VPS25: variants seen among roughly 807,000 people sequenced by gnomAD.
The protein encoded by VPS25 is vacuolar protein sorting 25 homolog, also known as vacuolar protein-sorting-associated protein 25.
Under a neutral mutation model 30.3 loss-of-function variants are expected in VPS25, and 21 were observed. That is an observed-to-expected ratio of 0.69 (90% CI 0.49 to 1.00). VPS25 has a LOEUF of 1.00. Among genes scored for constraint, VPS25 ranks in the 50% least tolerant of loss-of-function variants. The pLI is 0.00. For synonymous variants in VPS25, 101 were observed against 88.1 expected, an observed-to-expected ratio of 1.15 and a Z score of -0.82; for missense variants, 156 against 217.2, an observed-to-expected ratio of 0.72 and a Z score of 1.77.
At chr17:42,775,050 T>C in intron 3 of VPS25, 1 of 358,762 alleles carries the variant, frequency 2.8e-6, no homozygotes, top group Non-Finnish European at 5.0e-6. Flanking sequence ...ATGATACTTT[T>C]TTTTTGGGTG....
At chr17:42,774,035 C>A in intron 2 of VPS25, 157 bp downstream of exon 2, 1 of 884,936 alleles carries the variant, frequency 1.1e-6, no homozygotes, top group Non-Finnish European at 1.7e-6. Flanking sequence ...CTGACATTTT[C>A]CCCTGGCAAA....
intron 1 of VPS25, 84 bp downstream of exon 1, chr17:42,773,612 G>A: frequency 6.2e-7 from 1 of 1,607,786 alleles, no homozygotes; most frequent in South Asian, 1.1e-5. Flanking sequence ...TTCATATGGG[G>A]AGGGGGAGAA....
At chr17:42,773,615 G>C (rs1351597232) in intron 1 of VPS25, 87 bp downstream of exon 1, 3 of 1,607,298 alleles carry the variant, frequency 1.9e-6, no homozygotes, top group South Asian at 1.1e-5. Context: ...ATATGGGGAG[G>C]GGGAGAAAAG....
At chr17:42,774,410 C>T (rs2054425743) in intron 2 of VPS25, 8 of 322,556 alleles carry the variant, frequency 2.5e-5, no homozygotes, top group South Asian at 1.4e-4. Flanking sequence ...GTCTTCCTCT[C>T]TTGCTCAGGC....
chr17:42,774,824 T>G (rs2054427936), intron 3 of VPS25, 125 bp downstream of exon 3: 1 of 769,568 alleles, frequency 1.3e-6, no homozygotes, highest in Admixed American at 2.8e-5. Flanking sequence ...CAGAGTCTTC[T>G]GTAAAGTAGG....
rs749167348 is a variant in VPS25 at position 42,778,974 on chromosome 17, G to A, written c.436G>A (p.Glu146Lys). ...TEDEEFHGLD[E>K]ATLLRALQAL... ...CTGTTCAGAGTTCCACGGGCTGGATGAAGCCACTCTACTGCGGGCTCTGCA... is the reference window on the plus strand; with the variant it reads ...CTGTTCAGAGTTCCACGGGCTGGATAAAGCCACTCTACTGCGGGCTCTGCA... The change falls in exon 6 of 6, where the codon GAA becomes AAA. Residue 146 changes from glutamate to lysine, a missense_variant. Physicochemically the swap from Glu to Lys is moderately conservative, Grantham distance 56. Coordinates refer to ENST00000253794, the MANE Select transcript of VPS25 (RefSeq NM_032353.4). 3 of 1,614,098 alleles carry A rather than the reference G, an allele frequency of 1.9e-6. No homozygotes were observed. The highest frequency in any genetic ancestry group is 2.5e-6 in the Non-Finnish European group (3 of 1,179,956).
rs748485289 is a variant in VPS25, at chr17:42,776,277, T to C, written c.375T>C (p.Phe125=). The change falls in exon 5 of 6, where the codon TTT becomes TTC. Residue 125 remains phenylalanine, a synonymous_variant. Coordinates refer to ENST00000253794, the MANE Select transcript of VPS25 (RefSeq NM_032353.4). The part of the protein sequence containing the change: ...VSRSGQNNSV[F]TLYELTNGED... ...GGAGTGGCCAGAACAACTCCGTCTT[T>C]ACCCTGTATGAACTGACTAATGGGG... 4.3e-6 allele frequency: 7 copies of C among 1,613,718 alleles called. No homozygotes were observed. The highest frequency in any genetic ancestry group is 5.9e-6 in the Non-Finnish European group (7 of 1,180,024).
intron 3 of VPS25, 87 bp from the exon 4 acceptor site, chr17:42,775,294 T>G: frequency 1.0e-6 from 1 of 1,004,268 alleles, no homozygotes; most frequent in South Asian, 1.4e-5. Flanking sequence ...TTCGAACTCC[T>G]GGGCTCAAGC....
Position 42,779,177 on chromosome 17 carries a change from A to G in VPS25, c.*108A>G. 1 of 1,011,054 alleles carries G rather than the reference A, an allele frequency of 9.9e-7. No homozygotes were observed. Among genetic ancestry groups the G allele is most frequent in the South Asian group, 1.4e-5 (1 of 69,570 alleles). The allele number at this position is 1,011,054 out of a possible 1,614,324, so 62.6% of individuals were successfully genotyped here. On this transcript the variant is annotated 3_prime_UTR_variant, in exon 6 of 6. Coordinates refer to ENST00000253794, the MANE Select transcript of VPS25 (RefSeq NM_032353.4). ...TGGATCTGTGACTCCACCAGACTCA[A>G]AAGGACTCCAGTCCTGAAGGCTGGG...
intron 1 of VPS25, 95 bp from the exon 2 acceptor site, chr17:42,773,638 A>C: frequency 6.2e-7 from 1 of 1,605,574 alleles, no homozygotes; most frequent in Non-Finnish European, 8.5e-7. Flanking sequence ...CCGTCGGCCA[A>C]CACCCTCAGT....
In VPS25 at chr17:42,773,454, C is replaced by T. The variant is rs765442108; in HGVS notation, c.-22C>T. 16 of 1,614,204 alleles carry T rather than the reference C, an allele frequency of 9.9e-6. No individual in the cohort carries two copies. The highest frequency in any genetic ancestry group is 1.4e-5 in the Non-Finnish European group (16 of 1,180,044). ...GCCGGAAGTCCTTAGCCGGTAGCTT[C>T]CGGGTTTCCTGGGCTACTACGATGG... is the stretch of plus-strand genomic sequence containing the variant. On this transcript the variant is annotated 5_prime_UTR_variant, in exon 1 of 6. Coordinates refer to ENST00000253794, the MANE Select transcript of VPS25 (RefSeq NM_032353.4).
intron 3 of VPS25, 105 bp downstream of exon 3, chr17:42,774,804 G>A (rs2054427857): frequency 3.9e-6 from 4 of 1,016,820 alleles, no homozygotes; most frequent in Middle Eastern, 2.5e-4. Context: ...CTCTCTCCTG[G>A]CTTGAAGGCC....
In VPS25 at chr17:42,779,175, C is replaced by G. The variant is rs946967069; in HGVS notation, c.*106C>G. On this transcript the variant is annotated 3_prime_UTR_variant, in exon 6 of 6. Coordinates refer to ENST00000253794, the MANE Select transcript of VPS25 (RefSeq NM_032353.4). ...ACTGGATCTGTGACTCCACCAGACT[C>G]AAAAGGACTCCAGTCCTGAAGGCTG... is the stretch of plus-strand genomic sequence containing the variant. The G allele has an allele frequency of 2.0e-5, 21 of 1,028,424 alleles. No homozygotes were observed. The highest frequency in any genetic ancestry group is 1.9e-4 in the African/African-American group (12 of 62,168). The allele number at this position is 1,028,424 out of a possible 1,614,324, so 63.7% of individuals were successfully genotyped here.
chr17:42,778,153 T>C (rs1269612128), intron 5 of VPS25, among the ~76,000 whole-genome samples: 1 of 151,724 alleles, frequency 6.6e-6, no homozygotes, highest in Non-Finnish European at 1.5e-5. Context: ...TTACCATATC[T>C]CCACATACTC....
intron 4 of VPS25, 84 bp from the exon 5 acceptor site, chr17:42,776,161 G>T: frequency 8.2e-7 from 1 of 1,226,968 alleles, no homozygotes; most frequent in Non-Finnish European, 1.2e-6. Flanking sequence ...TATCATTCCT[G>T]GATCAGAGGG....
chr17:42,776,770 A>G (rs2054439141), intron 5 of VPS25, among the ~76,000 whole-genome samples: 1 of 150,810 alleles, frequency 6.6e-6, no homozygotes, highest in Non-Finnish European at 1.5e-5. Context: ...AAGCGATTCT[A>G]AGTTCTTAAC....
At chr17:42,775,343 C>T (rs1208237527) in intron 3 of VPS25, 38 bp from the exon 4 acceptor site, 9 of 1,570,138 alleles carry the variant, frequency 5.7e-6, no homozygotes, top group East Asian at 4.5e-5. Flanking sequence ...TAAGCCACTG[C>T]GCGCCTGGTT....
chr17:42,774,402 C>G (rs2054425710), intron 2 of VPS25: 1 of 293,950 alleles, frequency 3.4e-6, no homozygotes, highest in East Asian at 5.1e-5. Flanking sequence ...GAGACAGGGT[C>G]TTCCTCTCTT....
intron 2 of VPS25, 68 bp downstream of exon 2, chr17:42,773,946 G>GC (rs747734126): frequency 7.5e-5 from 114 of 1,525,390 alleles, no homozygotes; most frequent in East Asian, 3.5e-4. Context: ...ATGCCCAGAC[G>GC]CCCCCCCGCG....
Sources: gnomAD v4.1 joint callset for allele counts (sites outside exome capture counted in the v4.1 genomes callset) on GRCh38, gnomAD v4.1.1 for gene constraint, MANE v1.5 for transcripts, NCBI Gene and HGNC (gene_info 2026-07-23, HGNC 2026-07-21) for gene names.